Variants in SDK1 observed in about 807,000 individuals in gnomAD.
The protein encoded by SDK1 is sidekick cell adhesion molecule 1, also known as protein sidekick-1.
SDK1 carries 157 observed loss-of-function variants against 245.5 expected under a neutral mutation model. The observed-to-expected ratio is 0.64, with a 90% CI of 0.56 to 0.73. The LOEUF (loss-of-function observed/expected upper bound fraction) is 0.73, where lower values mean the gene tolerates loss of function less well. Among genes scored for constraint, SDK1 ranks in the 30% least tolerant of loss-of-function variants. SDK1 has a pLI of 0.00. For missense variants in SDK1, 3,583 were observed against 3,002.3 expected, an observed-to-expected ratio of 1.19 and a Z score of -4.52; for synonymous variants, 1,647 against 1,278.5, an observed-to-expected ratio of 1.29 and a Z score of -6.15.
At chr7:4,004,414 A>G (rs779835205) in intron 14 of SDK1, among the ~76,000 whole-genome samples, 1 of 152,226 alleles carries the variant, frequency 6.6e-6, no homozygotes, top group Non-Finnish European at 1.5e-5. Flanking sequence ...TGGGGGAACT[A>G]TCCTTATTTT....
At chr7:4,096,520 T>G (rs1419069543) in intron 22 of SDK1, among the ~76,000 whole-genome samples, 2 of 152,178 alleles carry the variant, frequency 1.3e-5, no homozygotes, top group African/African-American at 4.8e-5. Flanking sequence ...AGCCTCAGTT[T>G]CTTCATCATA....
rs535322986 is a variant in SDK1 at position 3,844,719 on chromosome 7, G to C, written c.847+23136G>C. 3.3e-5 allele frequency among the ~76,000 whole-genome samples: 5 copies of C among 152,288 alleles called. No individual in the cohort carries two copies. The East Asian group carries it at 9.7e-4, about 29-fold the overall frequency. On this transcript the variant is annotated intron_variant, in intron 5 of 44. Transcript: ENST00000404826. ...TACAGACAGCAGCTCTCCAGCCCGA[G>C]TGCCACACAGAGAACCTCACTGTTT... is the stretch of plus-strand genomic sequence containing the variant.
At chr7:3,746,549 A>G (rs927031880) in intron 4 of SDK1, among the ~76,000 whole-genome samples, 1 of 152,324 alleles carries the variant, frequency 6.6e-6, no homozygotes. Context: ...TGCTTTATCA[A>G]CTAAGAGTAT....
At chr7:4,023,460 G>T (rs1787092839) in intron 17 of SDK1, among the ~76,000 whole-genome samples, 1 of 152,124 alleles carries the variant, frequency 6.6e-6, no homozygotes, top group African/African-American at 2.4e-5. Context: ...AACAGACTCA[G>T]TTCCGCATAT....
chr7:3,922,066 C>T (rs1421288402), intron 5 of SDK1, among the ~76,000 whole-genome samples: 1 of 152,216 alleles, frequency 6.6e-6, no homozygotes, highest in Admixed American at 6.5e-5. Context: ...TCTCTGCCAC[C>T]CTTCTCTTCT....
chr7:4,253,452 T>C (rs958618291), intron 44 of SDK1, among the ~76,000 whole-genome samples: 19 of 152,234 alleles, frequency 1.2e-4, no homozygotes, highest in African/African-American at 4.1e-4. Context: ...CATTTTCTTC[T>C]GTTATTTATT....
intron 4 of SDK1, among the ~76,000 whole-genome samples, chr7:3,650,825 G>T (rs967260537): frequency 3.3e-4 from 48 of 143,968 alleles, no homozygotes; most frequent in East Asian, 6.2e-4. Context: ...GTGGGGATTG[G>T]TTTTTTTTTT....
chr7:3,749,017 G>A (rs907193372), intron 4 of SDK1, among the ~76,000 whole-genome samples: 2 of 152,158 alleles, frequency 1.3e-5, no homozygotes, highest in African/African-American at 4.8e-5. Context: ...CACTTAGATG[G>A]AGACATGCCA....
At chr7:3,666,353 T>C (rs1321530344) in intron 4 of SDK1, among the ~76,000 whole-genome samples, 2 of 152,234 alleles carry the variant, frequency 1.3e-5, no homozygotes, top group African/African-American at 4.8e-5. Flanking sequence ...CATGGGACTT[T>C]GCACATGCCG....
At chr7:3,577,864 G>A (rs1337836097) in intron 1 of SDK1, among the ~76,000 whole-genome samples, 1 of 151,994 alleles carries the variant, frequency 6.6e-6, no homozygotes, top group Non-Finnish European at 1.5e-5. Flanking sequence ...GGCAGCTCCT[G>A]TCATGTCCGT....
At chr7:3,424,408 C>T (rs1779618874) in intron 1 of SDK1, among the ~76,000 whole-genome samples, 1 of 152,110 alleles carries the variant, frequency 6.6e-6, no homozygotes, top group African/African-American at 2.4e-5. Context: ...ATACCACCCT[C>T]AAATATAAGA....
In SDK1 at chr7:3,444,884, C is replaced by T. The variant is rs560364360; in HGVS notation, c.298+143000C>T. 1.2e-3 allele frequency among the ~76,000 whole-genome samples: 182 copies of T among 152,236 alleles called. 3 individuals carry two copies. The highest frequency in any genetic ancestry group is 4.2e-3 in the African/African-American group (176 of 41,560). On this transcript the variant is annotated intron_variant, in intron 1 of 44. Transcript: ENST00000404826. ...TAGCCTCAGTAGCCAATTTCACAAA[C>T]AAAAATGTAAGGTCTATGTGATGTA...
intron 1 of SDK1, among the ~76,000 whole-genome samples, chr7:3,583,755 C>A (rs1780592234): frequency 6.6e-6 from 1 of 152,044 alleles, no homozygotes; most frequent in Non-Finnish European, 1.5e-5. Flanking sequence ...AGACTGCGTC[C>A]ACCTGCTTGC....
At chr7:4,192,705 C>A (rs1584411087) in intron 35 of SDK1, among the ~76,000 whole-genome samples, 1 of 152,008 alleles carries the variant, frequency 6.6e-6, no homozygotes, top group East Asian at 1.9e-4. Context: ...ACGTGACTCC[C>A]TTTTTCAATG....
At chr7:4,051,861 T>A in intron 19 of SDK1, 31 bp downstream of exon 19, 1 of 1,583,454 alleles carries the variant, frequency 6.3e-7, no homozygotes, top group Non-Finnish European at 8.6e-7. Context: ...GTCTCTTAAG[T>A]CACTTGTCAA....
At chr7:3,942,576 G>T (rs764358775) in intron 5 of SDK1, among the ~76,000 whole-genome samples, 1 of 144,930 alleles carries the variant, frequency 6.9e-6, no homozygotes, top group Admixed American at 7.0e-5. Context: ...GTCTTTTTCC[G>T]TGTGTGTGTG....
intron 19 of SDK1, among the ~76,000 whole-genome samples, chr7:4,061,108 T>C (rs1324511318): frequency 6.6e-6 from 1 of 152,218 alleles, no homozygotes; most frequent in Non-Finnish European, 1.5e-5. Context: ...TGGCTTAGGA[T>C]TGACTTGGCA....
intron 4 of SDK1, among the ~76,000 whole-genome samples, chr7:3,683,586 A>T (rs1784177992): frequency 6.6e-6 from 1 of 152,226 alleles, no homozygotes; most frequent in Non-Finnish European, 1.5e-5. Context: ...ATCCAGGTGG[A>T]GCAGCCCCGT....
intron 14 of SDK1, among the ~76,000 whole-genome samples, chr7:4,002,829 A>G (rs543203807): frequency 1.8e-4 from 27 of 152,332 alleles, no homozygotes; most frequent in Middle Eastern, 3.4e-3. Context: ...GAAAAATAAT[A>G]CAAAATTGAA....
Sources: allele counts gnomAD v4.1 joint callset (sites outside exome capture counted in the v4.1 genomes callset), GRCh38; gene constraint gnomAD v4.1.1; transcripts MANE v1.5; gene names NCBI Gene and HGNC (gene_info 2026-07-23, HGNC 2026-07-21).